Variants in SMC5 observed in about 807,000 individuals in gnomAD.
SMC5 encodes structural maintenance of chromosomes 5.
SMC5 carries 88 observed loss-of-function variants against 148.3 expected under a neutral mutation model. That is an observed-to-expected ratio of 0.59 (90% confidence interval 0.50 to 0.71). The LOEUF is 0.71. Among genes scored for constraint, SMC5 ranks in the 30% least tolerant of loss-of-function variants. The probability of loss-of-function intolerance (pLI) is 0.00; values close to 1 mark genes in which losing one functional copy is unlikely to be tolerated. For missense variants in SMC5, 1,142 were observed against 1,298.9 expected, an observed-to-expected ratio of 0.88 and a Z score of 1.86; for synonymous variants, 421 against 432.8, an observed-to-expected ratio of 0.97 and a Z score of 0.34.
rs1367928089 is a variant in SMC5, at chr9:70,264,439, A to T, written c.321A>T (p.Ala107=). ...GAAAACCTGCTTTCATGGGACGAGC[A>T]GATAAGGTGAGTTAATATAATTACT... ...LAGKPAFMGR[A]DKVGFFVKRG... is the part of the protein sequence containing the mutation. Residue 107 remains alanine (A), a synonymous_variant, in exon 2 of 25, where the codon GCA becomes GCT. Transcript: ENST00000361138. The T allele has an allele frequency of 3.7e-6, 6 of 1,612,868 alleles. No individual in the cohort carries two copies. In the East Asian group the frequency reaches 1.1e-4, roughly 30 times the overall value.
At chr9:70,275,125 T>G (rs953111202) in intron 3 of SMC5, among the ~76,000 whole-genome samples, 2 of 152,226 alleles carry the variant, frequency 1.3e-5, no homozygotes, top group Admixed American at 6.5e-5. Flanking sequence ...TAGCTCTAAA[T>G]CTTGAAAGAT....
At chr9:70,324,262 A>G in intron 17 of SMC5, 119 bp downstream of exon 17, 1 of 981,276 alleles carries the variant, frequency 1.0e-6, no homozygotes, top group East Asian at 2.8e-5. Flanking sequence ...TAACTTACAA[A>G]TTTAATGCAT....
intron 13 of SMC5, among the ~76,000 whole-genome samples, chr9:70,317,688 T>A (rs1402951645): frequency 6.6e-6 from 1 of 152,164 alleles, no homozygotes; most frequent in Non-Finnish European, 1.5e-5. Context: ...TCTATAAATA[T>A]ACAGAAATAG....
intron 6 of SMC5, among the ~76,000 whole-genome samples, chr9:70,281,683 G>C (rs146725840): frequency 1.9e-3 from 286 of 152,218 alleles, no homozygotes; most frequent in African/African-American, 6.6e-3. Context: ...TGGCATTCTT[G>C]TTCTGTCTTC....
At position 70,278,558 on chromosome 9, in the gene SMC5, G is replaced by A. The variant is rs1176931598; in HGVS notation, c.611G>A (p.Gly204Asp). 1.2e-6 allele frequency: 2 copies of A among 1,611,814 alleles called. No individual in the cohort carries two copies. The highest frequency in any genetic ancestry group is 2.7e-5 in the African/African-American group (2 of 74,738). ...CTCGAAGCCACTGAAAAGTCAATTG[G>A]TCCCCCAGAAATGCACAAATATCAC... ...ELLEATEKSI[G>D]PPEMHKYHCE... is the part of the protein sequence containing the mutation. Residue 204 changes from glycine to aspartate, a missense_variant, in exon 5 of 25, where the codon GGT (glycine) becomes GAT (aspartate). By Grantham distance (94) the Gly-to-Asp change is moderately conservative. This residue lies in a region of SMC5 where 297 missense variants were observed against 302.6 expected (regional missense o/e 0.98). Coordinates refer to ENST00000361138, the MANE Select transcript of SMC5 (RefSeq NM_015110.4).
intron 8 of SMC5, among the ~76,000 whole-genome samples, chr9:70,288,498 CATTTTT>C (rs1402458916): frequency 2.0e-5 from 3 of 151,638 alleles, no homozygotes; most frequent in Non-Finnish European, 4.4e-5. Flanking sequence ...TTTCTTAATT[CATTTTT>C]CTGCTTTGAG....
In SMC5 at chr9:70,264,424, T is replaced by A; in HGVS notation, c.306T>A (p.Ala102=). 6.2e-7 allele frequency: 1 copy of A among 1,614,042 alleles called. No individual in the cohort carries two copies. Among genetic ancestry groups the A allele is most frequent in the Non-Finnish European group, 8.5e-7 (1 of 1,179,950 alleles). The change falls in exon 2 of 25, where the codon GCT becomes GCA. Residue 102 remains alanine (A), a synonymous_variant. Transcript: ENST00000361138. Reference sequence around the variant, plus strand: ...GCCTTGGTTTAGCTGGAAAACCTGCTTTCATGGGACGAGCAGATAAGGTGA... The same window carrying A: ...GCCTTGGTTTAGCTGGAAAACCTGCATTCATGGGACGAGCAGATAAGGTGA... ...AICLGLAGKP[A]FMGRADKVGF... is the part of the protein sequence containing the mutation.
rs773431006 is a variant in SMC5, at chr9:70,297,958, T to C, written c.1054-8T>C. On this transcript the variant is annotated splice_polypyrimidine_tract_variant and splice_region_variant and intron_variant, in intron 8 of 24. Transcript: ENST00000361138. The stretch of plus-strand genomic sequence containing the variant: ...GTCTCAAGTACTAACCTACTTTTGT[T>C]TTATTAGATTGAGGAACTTCAGCAG... The C allele has an allele frequency of 3.7e-6, 6 of 1,607,202 alleles. No homozygotes were observed. In the East Asian group the frequency reaches 1.1e-4, roughly 30 times the overall value.
At chr9:70,334,725 A>G (rs2036316039) in intron 17 of SMC5, among the ~76,000 whole-genome samples, 1 of 152,112 alleles carries the variant, frequency 6.6e-6, no homozygotes, top group African/African-American at 2.4e-5. Context: ...CCCCTGATGG[A>G]TGCTATAAAA....
chr9:70,328,161 A>G (rs2036129629), intron 17 of SMC5, among the ~76,000 whole-genome samples: 1 of 152,042 alleles, frequency 6.6e-6, no homozygotes, highest in African/African-American at 2.4e-5. Context: ...AACTAACCAT[A>G]TCATTCTGCC....
At chr9:70,309,156 A>C (rs1255487693) in intron 11 of SMC5, among the ~76,000 whole-genome samples, 2 of 152,098 alleles carry the variant, frequency 1.3e-5, no homozygotes, top group Non-Finnish European at 2.9e-5. Flanking sequence ...ATAGCTGCTG[A>C]CTGATCAAGG....
At chr9:70,350,649 G>C (rs2036783094) in intron 24 of SMC5, among the ~76,000 whole-genome samples, 178 bp downstream of exon 24, 1 of 152,144 alleles carries the variant, frequency 6.6e-6, no homozygotes, top group Non-Finnish European at 1.5e-5. Context: ...TGCTTAATCA[G>C]AGGAAGAAAG....
intron 18 of SMC5, 35 bp downstream of exon 18, chr9:70,344,304 ATATTTAACATTTT>A (rs2036605672): frequency 7.3e-7 from 1 of 1,364,292 alleles, no homozygotes; most frequent in Admixed American, 2.8e-5. Flanking sequence ...TACAATTGCC[ATATTTAACATTTT>A]TAAGATTATG....
intron 11 of SMC5, chr9:70,311,079 A>G (rs953227339): frequency 6.6e-6 from 1 of 152,234 alleles, no homozygotes; most frequent in Non-Finnish European, 1.5e-5. Flanking sequence ...TGTACACTGG[A>G]GTAGCACTTC....
chr9:70,305,916 A>G (rs888286127), intron 11 of SMC5, among the ~76,000 whole-genome samples: 7 of 152,180 alleles, frequency 4.6e-5, no homozygotes, highest in African/African-American at 7.2e-5. Context: ...GACTTGGGCA[A>G]GTTGCCTAAA....
chr9:70,347,666 A>G lies in SMC5; in HGVS notation c.2718A>G (p.Glu906=), dbSNP rs368391561. The change falls in exon 21 of 25, where the codon GAA becomes GAG. Residue 906 remains glutamate (E), a synonymous_variant. Coordinates refer to ENST00000361138, the MANE Select transcript of SMC5 (RefSeq NM_015110.4). The stretch of plus-strand genomic sequence containing the variant: ...AAGAAATAGAACAGTTAACTGAGGA[A>G]CTAAAGGGAAAGAAAGTTGAACTAG... ...REEEIEQLTE[E]LKGKKVELDQ... 1.9e-6 allele frequency: 3 copies of G among 1,588,736 alleles called. No individual in the cohort carries two copies. Among genetic ancestry groups the G allele is most frequent in the African/African-American group, 1.4e-5 (1 of 73,508 alleles).
chr9:70,262,350 G>A (rs904752267), intron 1 of SMC5, among the ~76,000 whole-genome samples: 8 of 152,266 alleles, frequency 5.3e-5, no homozygotes, highest in Non-Finnish European at 1.0e-4. Context: ...GATGAAACTC[G>A]GCTGTGATGG....
intron 5 of SMC5, among the ~76,000 whole-genome samples, chr9:70,278,946 G>T (rs1475875992): frequency 2.0e-5 from 3 of 152,106 alleles, no homozygotes; most frequent in Non-Finnish European, 4.4e-5. Context: ...CCTACTATGT[G>T]CCAGGCACTG....
rs1157694729 is a variant in SMC5 at position 70,353,875 on chromosome 9, T to C, written c.*1544T>C. The C allele has an allele frequency of 1.3e-5, 2 of 152,254 alleles. No individual in the cohort carries two copies. Among genetic ancestry groups the C allele is most frequent in the Non-Finnish European group, 2.9e-5 (2 of 68,040 alleles). The allele number at this position is 152,254 out of a possible 1,614,324, so 9.4% of individuals were successfully genotyped here. On this transcript the variant is annotated 3_prime_UTR_variant, in exon 25 of 25. Transcript: ENST00000361138. The stretch of plus-strand genomic sequence containing the variant: ...CAAATGTTTTCATCGTTAATTACTT[T>C]GCGTTCCACCAAAATATCTTTACTA...
Sources: gnomAD v4.1 joint callset for allele counts (sites outside exome capture counted in the v4.1 genomes callset) on GRCh38, gnomAD v4.1.1 for gene constraint, gnomAD v4.1.1 regional missense constraint, MANE v1.5 for transcripts, NCBI Gene and HGNC (gene_info 2026-07-23, HGNC 2026-07-21) for gene names.